The following ARSB variants were observed in gnomAD, a reference collection of about 807,000 sequenced individuals.
ARSB encodes the protein N-acetylgalactosamine-4-sulfatase.
In ARSB, 41 loss-of-function variants were observed where a neutral mutation model predicts 50.9. The observed-to-expected ratio is 0.81, with a 90% confidence interval of 0.63 to 1.04. The LOEUF (loss-of-function observed/expected upper bound fraction) is 1.04. Ranked by LOEUF, ARSB falls within the 50% of genes least tolerant of loss-of-function variation. The pLI, the probability that ARSB is intolerant of heterozygous loss-of-function variation, is 0.00. For missense variants in ARSB, 672 were observed against 693.3 expected, an observed-to-expected ratio of 0.97 and a Z score of 0.35; for synonymous variants, 269 against 284.8, an observed-to-expected ratio of 0.94 and a Z score of 0.56.
At chr5:78,801,997 C>A (rs149135268) in intron 6 of ARSB, among the ~76,000 whole-genome samples, 1 of 152,264 alleles carries the variant, frequency 6.6e-6, no homozygotes, top group South Asian at 2.1e-4. Context: ...CTCCCAGTCT[C>A]ATCTCACCCC....
rs118203938 is a variant in ARSB at position 78,969,095 on chromosome 5, C to T, written c.410G>A (p.Gly137Asp). 9.3e-6 allele frequency: 15 copies of T among 1,614,158 alleles called. No individual in the cohort carries two copies. The Admixed American group carries it at 2.5e-4, about 27-fold the overall frequency. ...TTTTCCGACCATATGGGTAGTATAACCTGCTTCTTTTAGGAGCTGGGGCAG... is the reference window on the plus strand; with the variant it reads ...TTTTCCGACCATATGGGTAGTATAATCTGCTTCTTTTAGGAGCTGGGGCAG... ...KLLPQLLKEA[G>D]YTTHMVGKWH... Residue 137 changes from glycine to aspartate, a missense_variant, in exon 2 of 8, where the codon GGT (glycine) becomes GAT (aspartate). Physicochemically the swap from Gly to Asp is moderately conservative, Grantham distance 94. Transcript: ENST00000264914.
chr5:78,919,579 G>A (rs893112315), intron 4 of ARSB, among the ~76,000 whole-genome samples: 1 of 152,048 alleles, frequency 6.6e-6, no homozygotes, highest in Admixed American at 6.6e-5. Flanking sequence ...TGCAACCTCC[G>A]CCTCCCGGAT....
In ARSB at chr5:78,777,422, C is replaced by A. The variant is rs3088247; in HGVS notation, c.*2975G>T. ...CACTATCTAGTTCCAGAACTTTCTC[C>A]TCACCCCAAATGGAAGCCCCATACA... On this transcript the variant is annotated 3_prime_UTR_variant, in exon 8 of 8. Transcript: ENST00000264914. 121,444 of 152,444 alleles carry A rather than the reference C, an allele frequency of 0.8. 49,210 individuals are homozygous for A. Among genetic ancestry groups the A allele is most frequent in the African/African-American group, 0.94 (38,994 of 41,482 alleles). 9.4% of individuals were successfully genotyped at this position (152,444 alleles called of 1,614,324 possible).
chr5:78,849,958 G>T (rs1390088275), intron 5 of ARSB, among the ~76,000 whole-genome samples: 12 of 151,028 alleles, frequency 7.9e-5, no homozygotes, highest in African/African-American at 1.5e-4. Flanking sequence ...AAGGAGATTT[G>T]GGGCTGAGAC....
At chr5:78,875,096 A>T (rs971965152) in intron 5 of ARSB, among the ~76,000 whole-genome samples, 1 of 152,142 alleles carries the variant, frequency 6.6e-6, no homozygotes, top group African/African-American at 2.4e-5. Flanking sequence ...TTGGGTGACA[A>T]ATTGAGACCT....
At position 78,839,362 on chromosome 5, in the gene ARSB, A is replaced by T; in HGVS notation, c.1207T>A (p.Ser403Thr). 6.2e-7 allele frequency: 1 copy of T among 1,613,710 alleles called. No individual in the cohort carries two copies. Among genetic ancestry groups the T allele is most frequent in the Non-Finnish European group, 8.5e-7 (1 of 1,179,672 alleles). Residue 403 changes from serine to threonine, a missense_variant, in exon 6 of 8, where the codon TCA becomes ACA. Ser to Thr is a moderately conservative substitution (Grantham distance 58). Transcript: ENST00000264914. Reference protein sequence around the residue: ...HNIDPNFVDSSPCPRNSMAPA... With the variant: ...HNIDPNFVDSTPCPRNSMAPA... ...GCAATGCACTGGTACTCACACGGTG[A>T]AGAGTCCACGAAGTTCGGGTCAATA...
At chr5:78,853,322 T>A (rs1239482017) in intron 5 of ARSB, among the ~76,000 whole-genome samples, 1 of 152,186 alleles carries the variant, frequency 6.6e-6, no homozygotes, top group Non-Finnish European at 1.5e-5. Context: ...AGAGGTCCAC[T>A]CCAGACCCTG....
At chr5:78,941,422 C>T (rs181771627) in intron 4 of ARSB, among the ~76,000 whole-genome samples, 1,625 of 152,252 alleles carry the variant, frequency 0.011, 22 homozygotes, top group African/African-American at 0.037. Context: ...GTGGGTTTGT[C>T]ATAGATAGCT....
At chr5:78,808,635 T>C (rs1743675686) in intron 6 of ARSB, among the ~76,000 whole-genome samples, 3 of 152,086 alleles carry the variant, frequency 2.0e-5, no homozygotes, top group Non-Finnish European at 2.9e-5. Context: ...CACTTACACC[T>C]CCCCGCACAC....
chr5:78,885,820 T>C lies in ARSB; in HGVS notation c.906A>G (p.Gly302=). The C allele has an allele frequency of 6.2e-7, 1 of 1,614,188 alleles. No individual in the cohort carries two copies. The highest frequency in any genetic ancestry group is 8.5e-7 in the Non-Finnish European group (1 of 1,180,044). Residue 302 remains glycine (G), a synonymous_variant, in exon 5 of 8, where the codon GGA becomes GGG. Coordinates refer to ENST00000264914, the MANE Select transcript of ARSB (RefSeq NM_000046.5). ...TATTACCCCCTGCCAAAGTCTGCCCTCCGTTATCTGAAACACAGTAAGGTC... is the reference window on the plus strand; with the variant it reads ...TATTACCCCCTGCCAAAGTCTGCCCCCCGTTATCTGAAACACAGTAAGGTC... ...NTVFIFSTDN[G]GQTLAGGNNW...
rs760017254 is a variant in ARSB, at chr5:78,780,271, G to A, written c.*126C>T. On this transcript the variant is annotated 3_prime_UTR_variant, in exon 8 of 8. Transcript: ENST00000264914. ...ATTAGGGGTTGAAATTAGACACCTC[G>A]GTGTGGTTTAAGAGCAAGAGAAGGG... 8 of 1,288,286 alleles carry A rather than the reference G, an allele frequency of 6.2e-6. No homozygotes were observed. The highest frequency in any genetic ancestry group is 2.3e-5 in the East Asian group (1 of 42,612). 79.8% of individuals were successfully genotyped at this position (1,288,286 alleles called of 1,614,324 possible). A position where few individuals can be genotyped will look rare whatever the true frequency, so the allele number is the denominator to read the frequency against.
At chr5:78,829,801 A>T (rs1023516899) in intron 6 of ARSB, among the ~76,000 whole-genome samples, 7 of 152,226 alleles carry the variant, frequency 4.6e-5, no homozygotes, top group Non-Finnish European at 8.8e-5. Context: ...TTTTAATTTC[A>T]TTGGATATGT....
intron 4 of ARSB, among the ~76,000 whole-genome samples, chr5:78,922,420 G>A (rs1749860930): frequency 6.6e-6 from 1 of 151,730 alleles, no homozygotes; most frequent in African/African-American, 2.4e-5. Flanking sequence ...CCTACCTCCT[G>A]GAGGACATGT....
chr5:78,863,806 T>C (rs913485926), intron 5 of ARSB, among the ~76,000 whole-genome samples: 4 of 152,078 alleles, frequency 2.6e-5, no homozygotes, highest in Non-Finnish European at 5.9e-5. Flanking sequence ...CATGCAGGGC[T>C]ACTGATTGTT....
rs1247356312 is a variant in ARSB at position 78,777,335 on chromosome 5, A to G, written c.*3062T>C. On this transcript the variant is annotated 3_prime_UTR_variant, in exon 8 of 8. Transcript: ENST00000264914. ...ATAAAACATAAAACTTAACATTTTA[A>G]CCACTTTAAAACATACAATTCAGTG... The G allele has an allele frequency of 2.0e-5, 3 of 152,610 alleles. No homozygotes were observed. The highest frequency in any genetic ancestry group is 4.4e-5 in the Non-Finnish European group (3 of 68,048). 9.5% of individuals were successfully genotyped at this position (152,610 alleles called of 1,614,324 possible).
chr5:78,882,708 A>T lies in ARSB; in HGVS notation c.1142+2876T>A, dbSNP rs373630654. Among the ~76,000 whole-genome samples the T allele has an allele frequency of 1.2e-4, 18 of 152,166 alleles. No homozygotes were observed. In the East Asian group the frequency reaches 1.5e-3, roughly 13 times the overall value. ...AAAAAGATGTAGTAAAAAAATGCTG[A>T]AAAGAAAAATTCTAAGGAAATATGA... On this transcript the variant is annotated intron_variant, in intron 5 of 7. Coordinates refer to ENST00000264914, the MANE Select transcript of ARSB (RefSeq NM_000046.5).
chr5:78,834,646 T>TATATATATGC (rs35626755), intron 6 of ARSB, among the ~76,000 whole-genome samples: 3 of 133,788 alleles, frequency 2.2e-5, no homozygotes, highest in Non-Finnish European at 4.8e-5. Flanking sequence ...TATATATATA[T>TATATATATGC]GCCACATTTT....
At chr5:78,875,777 C>T (rs1581080127) in intron 5 of ARSB, among the ~76,000 whole-genome samples, 1 of 151,978 alleles carries the variant, frequency 6.6e-6, no homozygotes, top group East Asian at 1.9e-4. Context: ...AAGCGATTCT[C>T]CTCCCTCAGT....
chr5:78,892,003 T>C (rs1748317914), intron 4 of ARSB, among the ~76,000 whole-genome samples: 1 of 152,012 alleles, frequency 6.6e-6, no homozygotes, highest in Non-Finnish European at 1.5e-5. Context: ...ATTTGAGAAA[T>C]GAGGATAACA....
Sources: allele counts gnomAD v4.1 joint callset (sites outside exome capture counted in the v4.1 genomes callset), GRCh38; gene constraint gnomAD v4.1.1; transcripts MANE v1.5; gene names NCBI Gene and HGNC (gene_info 2026-07-23, HGNC 2026-07-21).